LINGO2: variants seen among roughly 807,000 people sequenced by gnomAD.
The protein encoded by LINGO2 is leucine-rich repeat and immunoglobulin-like domain-containing nogo receptor-interacting protein 2.
A neutral mutation model predicts 30.6 loss-of-function variants in LINGO2; 14 were observed. The ratio of observed to expected loss-of-function variants is 0.46; its 90% CI spans 0.30 to 0.72. The LOEUF (loss-of-function observed/expected upper bound fraction) is 0.72, where lower values mean the gene tolerates loss of function less well. Ranked by LOEUF, LINGO2 falls within the 30% of genes least tolerant of loss-of-function variation. The pLI is 0.07. For synonymous variants in LINGO2, 317 were observed against 288.5 expected, an observed-to-expected ratio of 1.10 and a Z score of -1.00; for missense variants, 729 against 751.7, an observed-to-expected ratio of 0.97 and a Z score of 0.35.
the LINGO2 span, among the ~76,000 whole-genome samples, chr9:29,184,065 C>G: frequency 6.6e-6 from 1 of 152,132 alleles, no homozygotes; most frequent in African/African-American, 2.4e-5. Context: ...AAGCACCACA[C>G]ATGAGTAACA....
At chr9:29,196,037 A>G in the LINGO2 span, among the ~76,000 whole-genome samples, 1 of 152,124 alleles carries the variant, frequency 6.6e-6, no homozygotes, top group Non-Finnish European at 1.5e-5. Context: ...TTCAGCTAAG[A>G]AAGACTGAAG....
chr9:28,658,860 G>T lies in LINGO2; in HGVS notation c.-365+11340C>A, dbSNP rs183289657. ...ATTTTTATAATTATACTATGGTTAT[G>T]AAAAACACATTATTAGTTTAAGGGA... On this transcript the variant is annotated intron_variant, in intron 1 of 5. Transcript: ENST00000379992. Among the ~76,000 whole-genome samples the T allele has an allele frequency of 1.9e-3, 284 of 152,058 alleles. 2 individuals are homozygous for T. Among genetic ancestry groups the T allele is most frequent in the Non-Finnish European group, 2.8e-4 (19 of 67,938 alleles).
chr9:29,131,315 A>T, the LINGO2 span, among the ~76,000 whole-genome samples: 1 of 152,122 alleles, frequency 6.6e-6, no homozygotes, highest in Non-Finnish European at 1.5e-5. Context: ...GCTTAATTTT[A>T]CAACAGAGTT....
intron 1 of LINGO2, among the ~76,000 whole-genome samples, chr9:28,552,692 C>A (rs190759489): frequency 1.4e-5 from 2 of 147,620 alleles, no homozygotes; most frequent in African/African-American, 2.5e-5. Context: ...TTTTCTCCTT[C>A]CGGGATTTCT....
chr9:28,726,985 G>A, the LINGO2 span, among the ~76,000 whole-genome samples: 2 of 152,094 alleles, frequency 1.3e-5, no homozygotes, highest in African/African-American at 2.4e-5. Flanking sequence ...GAGGAGGAGA[G>A]GAGAGTGAGC....
the LINGO2 span, chr9:28,888,843 T>C: frequency 1.9e-6 from 1 of 532,200 alleles, no homozygotes; most frequent in East Asian, 5.5e-5. Flanking sequence ...CATAAAATGT[T>C]GTCCATTGCA....
chr9:28,975,030 T>C, the LINGO2 span, among the ~76,000 whole-genome samples: 1 of 152,072 alleles, frequency 6.6e-6, no homozygotes, highest in Non-Finnish European at 1.5e-5. Context: ...TGTAAACATA[T>C]AGAAGCTATC....
At chr9:28,981,246 G>A in the LINGO2 span, among the ~76,000 whole-genome samples, 55 of 152,006 alleles carry the variant, frequency 3.6e-4, no homozygotes, top group Non-Finnish European at 6.0e-4. Context: ...GAAGAATCTG[G>A]GATCAGTAAT....
chr9:28,355,676 T>C (rs564943648), intron 3 of LINGO2, among the ~76,000 whole-genome samples: 2 of 152,190 alleles, frequency 1.3e-5, no homozygotes, highest in Non-Finnish European at 2.9e-5. Context: ...TGCATGCTGA[T>C]CAGCAGGCTC....
At chr9:28,549,280 T>C (rs952315549) in intron 1 of LINGO2, among the ~76,000 whole-genome samples, 1 of 152,124 alleles carries the variant, frequency 6.6e-6, no homozygotes, top group Non-Finnish European at 1.5e-5. Flanking sequence ...AACATATTTT[T>C]CAGTTTGAGT....
chr9:28,629,746 T>C (rs1041595650), intron 1 of LINGO2, among the ~76,000 whole-genome samples: 18 of 151,996 alleles, frequency 1.2e-4, no homozygotes, highest in Non-Finnish European at 2.4e-4. Flanking sequence ...AAGGATACTT[T>C]AAAGAAAACT....
chr9:28,590,440 A>C (rs572120435), intron 1 of LINGO2, among the ~76,000 whole-genome samples: 3 of 152,246 alleles, frequency 2.0e-5, no homozygotes, highest in African/African-American at 7.2e-5. Flanking sequence ...ATCTACAATG[A>C]ACTCAAACAA....
At chr9:29,137,386 T>C in the LINGO2 span, among the ~76,000 whole-genome samples, 1 of 152,192 alleles carries the variant, frequency 6.6e-6, no homozygotes, top group African/African-American at 2.4e-5. Context: ...GCCTGGGTAA[T>C]AAAACATCAT....
chr9:28,765,998 TA>T, the LINGO2 span, among the ~76,000 whole-genome samples: 1 of 151,890 alleles, frequency 6.6e-6, no homozygotes, highest in Non-Finnish European at 1.5e-5. Flanking sequence ...TAAAAAGCCT[TA>T]AAAAACAGAG....
chr9:28,797,522 C>A, the LINGO2 span, among the ~76,000 whole-genome samples: 1 of 150,914 alleles, frequency 6.6e-6, no homozygotes, highest in South Asian at 2.1e-4. Context: ...AGACACTTTG[C>A]CAAAAAGAAG....
the LINGO2 span, among the ~76,000 whole-genome samples, chr9:28,924,087 A>C: frequency 2.8e-4 from 43 of 152,336 alleles, no homozygotes; most frequent in African/African-American, 9.9e-4. Flanking sequence ...GTGGAATTGC[A>C]CTTTGAATAC....
chr9:28,701,230 C>T, the LINGO2 span, among the ~76,000 whole-genome samples: 4 of 151,988 alleles, frequency 2.6e-5, no homozygotes, highest in South Asian at 8.3e-4. Flanking sequence ...AAGTGATAGC[C>T]ATACCCAATT....
chr9:28,002,759 A>G (rs1822025911), intron 5 of LINGO2, among the ~76,000 whole-genome samples: 1 of 151,036 alleles, frequency 6.6e-6, no homozygotes, highest in African/African-American at 2.5e-5. Flanking sequence ...AGCTAGGGCC[A>G]CTGTCTGTGT....
chr9:28,561,747 GTGTATATATA>G (rs1424640077), intron 1 of LINGO2, among the ~76,000 whole-genome samples: 2 of 35,850 alleles, frequency 5.6e-5, no homozygotes, highest in African/African-American at 2.7e-4. Flanking sequence ...GTGTGTGTGT[GTGTATATATA>G]TATATATATA....
Sources: gnomAD v4.1 joint callset for allele counts (sites outside exome capture counted in the v4.1 genomes callset) on GRCh38, gnomAD v4.1.1 for gene constraint, MANE v1.5 for transcripts, NCBI Gene and HGNC (gene_info 2026-07-23, HGNC 2026-07-21) for gene names.